Variants in FGD1 observed in about 807,000 individuals in gnomAD.
FGD1 encodes FYVE, RhoGEF and PH domain containing 1, also known as FYVE, RhoGEF and PH domain-containing protein 1.
In FGD1, 12 loss-of-function variants were observed where a neutral mutation model predicts 65.0. That is an observed-to-expected ratio of 0.18 (90% confidence interval 0.12 to 0.30). The LOEUF is 0.30. Ranked by LOEUF, FGD1 falls within the 10% of genes least tolerant of loss-of-function variation. FGD1 has a pLI of 1.00. For synonymous variants in FGD1, 333 were observed against 343.9 expected (o/e 0.97, Z 0.35); for missense variants, 542 against 837.6 (o/e 0.65, Z 4.36).
At chrX:54,488,036 C>G (rs1300184977) in intron 1 of FGD1, among the ~76,000 whole-genome samples, 1 of 107,140 alleles carries the variant, frequency 9.3e-6, no homozygotes, top group Non-Finnish European at 1.9e-5. Flanking sequence ...GAGGCCGAGG[C>G]GGGCAGATCA....
intron 1 of FGD1, among the ~76,000 whole-genome samples, chrX:54,483,652 T>C (rs1176226805): frequency 8.9e-6 from 1 of 112,003 alleles, no homozygotes; most frequent in Non-Finnish European, 1.9e-5. Context: ...TGATGCCAAC[T>C]GGGTGCTGTC....
intron 1 of FGD1, among the ~76,000 whole-genome samples, chrX:54,477,204 G>A (rs1452352419): frequency 2.7e-5 from 3 of 112,481 alleles, no homozygotes; most frequent in Non-Finnish European, 5.6e-5. Context: ...TCTGCTGTGG[G>A]GATGGGGGTG....
At chrX:54,465,299 G>A in intron 8 of FGD1, 152 bp downstream of exon 8, 1 of 580,699 alleles carries the variant, frequency 1.7e-6, no homozygotes, top group Non-Finnish European at 2.6e-6. Context: ...CTCAATGTGG[G>A]CCTTTCAGTT....
intron 15 of FGD1, 58 bp from the exon 16 acceptor site, chrX:54,449,025 C>A: frequency 1.7e-6 from 2 of 1,200,435 alleles, no homozygotes; most frequent in Non-Finnish European, 2.3e-6. Context: ...CTTCAGCATA[C>A]CAACTCCCAC....
Position 54,448,873 on chromosome X carries a change from T to C in FGD1, c.2369A>G (p.His790Arg). The change falls in exon 16 of 18, where the codon CAC (histidine) becomes CGC (arginine). Residue 790 changes from histidine to arginine, a missense_variant. Around this residue, in one of 6 missense-constraint regions of FGD1, gnomAD observed 182 missense variants for 311.4 expected, o/e 0.58. Coordinates refer to ENST00000375135, the MANE Select transcript of FGD1 (RefSeq NM_004463.3). ...GGCTGGACTGCTCCCAGGCACCCCG[T>C]GCAAGGCCACATAGCAATCAGTGCA... Reference protein sequence around the residue: ...RVCTDCYVALHGVPGSSPACS... With the variant: ...RVCTDCYVALRGVPGSSPACS... The C allele has an allele frequency of 1.7e-6, 2 of 1,211,821 alleles. No homozygotes were observed. The highest frequency in any genetic ancestry group is 2.2e-6 in the Non-Finnish European group (2 of 895,434).
At chrX:54,490,603 AT>A (rs769364292) in intron 1 of FGD1, among the ~76,000 whole-genome samples, 34 of 111,472 alleles carry the variant, frequency 3.1e-4, no homozygotes, top group African/African-American at 1.0e-3. Context: ...AAAAACAAAA[AT>A]GAACCAAACC....
intron 14 of FGD1, 122 bp downstream of exon 14, chrX:54,449,537 T>A: frequency 3.6e-6 from 2 of 551,759 alleles, no homozygotes. Context: ...GCTTCTGAAG[T>A]CATGCATTGC....
intron 4 of FGD1, among the ~76,000 whole-genome samples, chrX:54,469,750 G>A (rs115554306): frequency 8.9e-6 from 1 of 111,869 alleles, no homozygotes; most frequent in Non-Finnish European, 1.9e-5. Flanking sequence ...GCACAGCCTC[G>A]GGCCCCTGCA....
At chrX:54,472,168 C>T (rs758099072) in intron 1 of FGD1, among the ~76,000 whole-genome samples, 1 of 109,784 alleles carries the variant, frequency 9.1e-6, no homozygotes, top group African/African-American at 3.3e-5. Context: ...TTCCCAGATA[C>T]TTGGGAGGCT....
At chrX:54,468,949 T>A in intron 4 of FGD1, 73 bp from the exon 5 acceptor site, 1 of 774,959 alleles carries the variant, frequency 1.3e-6, no homozygotes, top group Non-Finnish European at 2.0e-6. Context: ...CCAGAATTCT[T>A]AAAACAGTTC....
intron 1 of FGD1, among the ~76,000 whole-genome samples, chrX:54,488,269 CAAAAAAAAAAAAAA>C (rs57920117): frequency 1.3e-3 from 7 of 5,463 alleles, no homozygotes; most frequent in South Asian, 0.057. Context: ...GACTCAGTCT[CAAAAAAAAAAAAAA>C]AAAAAAAAAA....
At chrX:54,460,414 T>C (rs1240949561) in intron 8 of FGD1, among the ~76,000 whole-genome samples, 2 of 107,259 alleles carry the variant, frequency 1.9e-5, no homozygotes, top group Non-Finnish European at 3.8e-5. Flanking sequence ...CACTCCAGCC[T>C]GGCGAAAGAG....
rs754402219 is a variant in FGD1 at position 54,474,494 on chromosome X, G to A, written c.308-3007C>T. Reference sequence around the variant, plus strand: ...GCACTGAGGGAACAGGGTGCCCCAGGCCCCAGGCCGAGCGCCCCTCCCCAA... The same window carrying A: ...GCACTGAGGGAACAGGGTGCCCCAGACCCCAGGCCGAGCGCCCCTCCCCAA... On this transcript the variant is annotated intron_variant, in intron 1 of 17. Coordinates refer to ENST00000375135, the MANE Select transcript of FGD1 (RefSeq NM_004463.3). 2.7e-4 allele frequency among the ~76,000 whole-genome samples: 30 copies of A among 112,673 alleles called. No homozygotes were observed. The South Asian group carries it at 0.011, about 40-fold the overall frequency.
rs764968569 is a variant in FGD1, at chrX:54,449,634, G to A, written c.2148+25C>T. 1.1e-5 allele frequency: 12 copies of A among 1,044,192 alleles called. No homozygotes were observed. In the African/African-American group the frequency reaches 2.1e-4, roughly 18 times the overall value. The allele number at this position is 1,044,192 out of a possible 1,213,427, so 86.1% of individuals were successfully genotyped here. A position where few individuals can be genotyped will look rare whatever the true frequency, so the allele number is the denominator to read the frequency against. ...GAAGTCTGGAAGGGGTCCCAGTGCA[G>A]GGGAAAGAGGGCGGGGACTCTTACT... On this transcript the variant is annotated intron_variant, in intron 14 of 17. Coordinates refer to ENST00000375135, the MANE Select transcript of FGD1 (RefSeq NM_004463.3).
chrX:54,465,942 T>C (rs1322983995), intron 6 of FGD1, 90 bp from the exon 7 acceptor site: 11 of 1,008,407 alleles, frequency 1.1e-5, no homozygotes, highest in Non-Finnish European at 1.4e-5. Flanking sequence ...GCAGATACCT[T>C]TCATCTCAGT....
In FGD1 at chrX:54,495,762, G is replaced by A. The variant is rs1923526957; in HGVS notation, c.-330C>T. On this transcript the variant is annotated 5_prime_UTR_variant, in exon 1 of 18. Transcript: ENST00000375135. ...AGCGCTGTCTATGCGGCTGCGGTTG[G>A]GCGAGGGTTGGAGGGCTACGCTCGG... 1 of 111,859 alleles carries A rather than the reference G, an allele frequency of 8.9e-6. No individual in the cohort carries two copies. The highest frequency in any genetic ancestry group is 1.9e-5 in the Non-Finnish European group (1 of 53,216). The allele number at this position is 111,859 out of a possible 1,213,427, so 9.2% of individuals were successfully genotyped here.
At chrX:54,488,885 T>C (rs771528894) in intron 1 of FGD1, among the ~76,000 whole-genome samples, 11 of 111,541 alleles carry the variant, frequency 9.9e-5, no homozygotes, top group Non-Finnish European at 1.9e-4. Context: ...TTACACCATA[T>C]ACTAAAATCA....
chrX:54,467,574 T>C (rs1233542621), intron 6 of FGD1, among the ~76,000 whole-genome samples: 1 of 111,299 alleles, frequency 9.0e-6, no homozygotes. Flanking sequence ...CAGGCTGTTC[T>C]CGAACTCCTG....
chrX:54,480,797 A>C (rs1923126369), intron 1 of FGD1, among the ~76,000 whole-genome samples: 1 of 110,114 alleles, frequency 9.1e-6, no homozygotes, highest in African/African-American at 3.3e-5. Context: ...GATTACAGGC[A>C]CACGCCACTA....
Sources: allele counts gnomAD v4.1 joint callset (sites outside exome capture counted in the v4.1 genomes callset), GRCh38; gene constraint gnomAD v4.1.1; regional missense constraint gnomAD v4.1.1; transcripts MANE v1.5; gene names NCBI Gene and HGNC (gene_info 2026-07-23, HGNC 2026-07-21).